LAMA5: variants seen among roughly 807,000 people sequenced by gnomAD.
LAMA5 encodes the protein laminin subunit alpha-5.
In LAMA5, 260 loss-of-function variants were observed where a neutral mutation model predicts 433.4. The observed-to-expected ratio is 0.60, with a 90% CI of 0.54 to 0.66. The LOEUF is 0.66. Ranked by LOEUF, LAMA5 falls within the 30% of genes least tolerant of loss-of-function variation. The probability of loss-of-function intolerance (pLI) is 0.00; values close to 1 mark genes in which losing one functional copy is unlikely to be tolerated. For missense variants in LAMA5, 5,378 were observed against 5,258.5 expected, an observed-to-expected ratio of 1.02 and a Z score of -0.70; for synonymous variants, 2,620 against 2,226.6, an observed-to-expected ratio of 1.18 and a Z score of -4.97.
At chr20:62,332,192 G>A (rs919773401) in intron 28 of LAMA5, among the ~76,000 whole-genome samples, 180 bp downstream of exon 28, 2 of 152,232 alleles carry the variant, frequency 1.3e-5, no homozygotes, top group African/African-American at 4.8e-5. Flanking sequence ...TACGTCAAAA[G>A]GGACTGAATC....
rs761964317 is a variant in LAMA5, at chr20:62,309,691, C to T, written c.10948+25G>A. 9.4e-6 allele frequency: 14 copies of T among 1,487,018 alleles called. No homozygotes were observed. In the South Asian group the frequency reaches 1.5e-4, roughly 16 times the overall value. 92.1% of individuals were successfully genotyped at this position (1,487,018 alleles called of 1,614,324 possible). ...ACCTAGTCCTGAGGGGCAGCTCCCC[C>T]ACCCTTGATCAAGGCCGCACTCACC... is the stretch of plus-strand genomic sequence containing the variant. On this transcript the variant is annotated intron_variant, in intron 79 of 79. Coordinates refer to ENST00000252999, the MANE Select transcript of LAMA5 (RefSeq NM_005560.6).
chr20:62,312,315 A>T lies in LAMA5; in HGVS notation c.9362T>A (p.Val3121Glu), dbSNP rs761184190. The part of the protein sequence containing the change: ...VSAGCTADLL[V>E]GRAMTFHGHG... ...GCCATGGAAAGTCATGGCGCGCCCC[A>T]CCTGCGGGGAGGCCATCCCTGAGTG... Residue 3121 changes from valine to glutamate, a missense_variant and splice_region_variant, in exon 69 of 80, where the codon GTG becomes GAG. Transcript: ENST00000252999. 1 of 1,608,692 alleles carries T rather than the reference A, an allele frequency of 6.2e-7. No homozygotes were observed. The highest frequency in any genetic ancestry group is 8.5e-7 in the Non-Finnish European group (1 of 1,179,254).
At chr20:62,365,261 T>C (rs1212905776) in intron 1 of LAMA5, among the ~76,000 whole-genome samples, 1 of 152,208 alleles carries the variant, frequency 6.6e-6, no homozygotes, top group African/African-American at 2.4e-5. Context: ...CCACTGAAAC[T>C]GTGGCCACTT....
In LAMA5 at chr20:62,309,079, CTT is replaced by C. The variant is rs1568882637; in HGVS notation, c.*255_*256del. ...CATTCATTCGGTTACACAGAAGTTA[CTT>C]TTTAATTTTTAAGGAGGAACCAGTG... On this transcript the variant is annotated 3_prime_UTR_variant, in exon 80 of 80. Coordinates refer to ENST00000252999, the MANE Select transcript of LAMA5 (RefSeq NM_005560.6). 13 of 609,300 alleles carry C rather than the reference CTT, an allele frequency of 2.1e-5. No homozygotes were observed. The highest frequency in any genetic ancestry group is 3.6e-5 in the Non-Finnish European group (13 of 365,464). The allele number at this position is 609,300 out of a possible 1,614,324, so 37.7% of individuals were successfully genotyped here. A position where few individuals can be genotyped will look rare whatever the true frequency, so the allele number is the denominator to read the frequency against.
intron 62 of LAMA5, among the ~76,000 whole-genome samples, 156 bp downstream of exon 62, chr20:62,314,148 A>G (rs1024056738): frequency 3.0e-5 from 4 of 133,580 alleles, no homozygotes. Flanking sequence ...GAGTGGGCAC[A>G]GAGACGAGGG....
chr20:62,319,648 GCT>G (rs1391010231), intron 51 of LAMA5, 34 bp downstream of exon 51: 36 of 1,467,076 alleles, frequency 2.5e-5, no homozygotes, highest in Non-Finnish European at 3.2e-5. Flanking sequence ...AGCCCTCCTG[GCT>G]CTGAGCCCTG....
In LAMA5 at chr20:62,351,963, C is replaced by A. The variant is rs750435036; in HGVS notation, c.804G>T (p.Thr268=). The change falls in exon 5 of 80, where the codon ACG becomes ACT. Residue 268 remains threonine, a synonymous_variant. Transcript: ENST00000252999. ...CCTTCCCCATGAGATGGCCCAGCAGCGTGTTGGTACGCAGGAAGCGCAGGC... is the reference window on the plus strand; with the variant it reads ...CCTTCCCCATGAGATGGCCCAGCAGAGTGTTGGTACGCAGGAAGCGCAGGC... The part of the protein sequence containing the change: ...NVRLRFLRTN[T]LLGHLMGKAL... The A allele has an allele frequency of 1.2e-5, 19 of 1,612,208 alleles. No individual in the cohort carries two copies. The highest frequency in any genetic ancestry group is 1.6e-4 in the Middle Eastern group (1 of 6,084).
Position 62,324,810 on chromosome 20 carries a change from C to G in LAMA5, c.5530-256G>C, listed in dbSNP as rs1005403217. On this transcript the variant is annotated intron_variant, in intron 41 of 79. Transcript: ENST00000252999. This position sits in a 1 kb window ranked among gnomAD's most constrained non-coding sequence, Gnocchi z 4.4. ...TGTCCTGTCTCGGGAATGACCAGGC[C>G]TTGGGGCTGGTGACCACCCACTCCA... 1 of 515,208 alleles carries G rather than the reference C, an allele frequency of 1.9e-6. No homozygotes were observed. The highest frequency in any genetic ancestry group is 3.5e-6 in the Non-Finnish European group (1 of 283,022). The allele number at this position is 515,208 out of a possible 1,614,324, so 31.9% of individuals were successfully genotyped here.
chr20:62,337,742 A>G lies in LAMA5; in HGVS notation c.2027-15T>C, dbSNP rs1488421208. On this transcript the variant is annotated splice_polypyrimidine_tract_variant and intron_variant, in intron 15 of 79. Coordinates refer to ENST00000252999, the MANE Select transcript of LAMA5 (RefSeq NM_005560.6). Reference sequence around the variant, plus strand: ...GCAGTGGCAGGCTGCAGACAAGGATAGCTGTGGGCACGCAGTGGAGACTGC... The same window carrying G: ...GCAGTGGCAGGCTGCAGACAAGGATGGCTGTGGGCACGCAGTGGAGACTGC... 1 of 1,607,788 alleles carries G rather than the reference A, an allele frequency of 6.2e-7. No individual in the cohort carries two copies.
At chr20:62,319,583 C>A in intron 51 of LAMA5, 101 bp downstream of exon 51, 1 of 793,534 alleles carries the variant, frequency 1.3e-6, no homozygotes, top group Non-Finnish European at 2.0e-6. Flanking sequence ...AAAGACAGAT[C>A]CTGCCTGTTC....
chr20:62,347,475 G>A lies in LAMA5; in HGVS notation c.957-447C>T, dbSNP rs1429117915. On this transcript the variant is annotated intron_variant, in intron 6 of 79. Transcript: ENST00000252999. Reference sequence around the variant, plus strand: ...TCGAGCGTAAGCCCAAAACCTCCCTGAGCCAGAAGGGAAAGGGGTCCATTT... The same window carrying A: ...TCGAGCGTAAGCCCAAAACCTCCCTAAGCCAGAAGGGAAAGGGGTCCATTT... Among the ~76,000 whole-genome samples, 3 of 152,122 alleles carry A rather than the reference G, an allele frequency of 2.0e-5. No homozygotes were observed. In the South Asian group the frequency reaches 6.2e-4, roughly 32 times the overall value.
At chr20:62,328,157 G>C (rs1245297192) in intron 35 of LAMA5, 84 bp downstream of exon 35, 1 of 1,510,028 alleles carries the variant, frequency 6.6e-7, no homozygotes, top group South Asian at 1.3e-5. Context: ...ATGGGAGCAG[G>C]GTGGGTGCCA....
chr20:62,330,667 C>T (rs1980197277), intron 30 of LAMA5, 53 bp from the exon 31 acceptor site: 2 of 1,562,000 alleles, frequency 1.3e-6, no homozygotes, highest in Admixed American at 1.9e-5. Flanking sequence ...CTGCTGCCCC[C>T]TGGACAACCT....
intron 35 of LAMA5, 74 bp from the exon 36 acceptor site, chr20:62,328,084 C>T: frequency 1.3e-6 from 2 of 1,584,284 alleles, no homozygotes; most frequent in African/African-American, 1.3e-5. Context: ...GTAGGCACCC[C>T]CCACCCAGGC....
Position 62,323,854 on chromosome 20 carries a change from AAGCTGCAAAGACCAGC to A in LAMA5, c.5769-14_5770del. On this transcript the variant is annotated splice_acceptor_variant and splice_polypyrimidine_tract_variant and coding_sequence_variant and intron_variant, in exon 44 of 80. Transcript: ENST00000252999. LOFTEE classifies it high-confidence loss of function. Reference sequence around the variant, plus strand: ...GCCTCGCAGGACACAGCCCTCGGCGAAGCTGCAAAGACCAGCAGCGTCAGTCACTAGGCCCCTGGCA... The same window carrying A: ...GCCTCGCAGGACACAGCCCTCGGCGAAGCGTCAGTCACTAGGCCCCTGGCA... The A allele has an allele frequency of 6.2e-7, 1 of 1,603,766 alleles. No individual in the cohort carries two copies. The highest frequency in any genetic ancestry group is 8.5e-7 in the Non-Finnish European group (1 of 1,175,338).
chr20:62,335,864 C>A (rs571199438), intron 18 of LAMA5, among the ~76,000 whole-genome samples: 2 of 146,022 alleles, frequency 1.4e-5, no homozygotes, highest in East Asian at 4.3e-4. Flanking sequence ...CCAGGAACCC[C>A]TGCACCCCAA....
At chr20:62,335,183 C>G in intron 19 of LAMA5, 34 bp downstream of exon 19, 1 of 1,612,568 alleles carries the variant, frequency 6.2e-7, no homozygotes, top group South Asian at 1.1e-5. Context: ...CCAGTGTGCC[C>G]CCAAATCCCC....
Position 62,310,218 on chromosome 20 carries a change from C to T in LAMA5, c.10694G>A (p.Arg3565Gln), listed in dbSNP as rs756286327. 3.9e-5 allele frequency: 63 copies of T among 1,612,468 alleles called. No individual in the cohort carries two copies. The highest frequency in any genetic ancestry group is 4.5e-5 in the Non-Finnish European group (53 of 1,179,956). ...TGLIFHLGQA[R>Q]TPPYLQLQVT... ...CTGCAACTGCAAGTAGGGGGGCGTC[C>T]GGGCCTGGCCCAAGTGGAAGATCAG... Residue 3565 changes from arginine (R) to glutamine (Q), a missense_variant, in exon 77 of 80, where the codon CGG becomes CAG. Physicochemically the swap from Arg to Gln is conservative, Grantham distance 43. Transcript: ENST00000252999.
chr20:62,365,420 C>T (rs548508322), intron 1 of LAMA5, among the ~76,000 whole-genome samples: 4 of 152,232 alleles, frequency 2.6e-5, no homozygotes, highest in South Asian at 2.1e-4. Context: ...CCTTTACTCA[C>T]GAGACGGGGG....
Sources: allele counts gnomAD v4.1 joint callset (sites outside exome capture counted in the v4.1 genomes callset), GRCh38; gene constraint gnomAD v4.1.1; non-coding constraint Gnocchi (gnomAD v3.1); transcripts MANE v1.5; gene names NCBI Gene and HGNC (gene_info 2026-07-23, HGNC 2026-07-21).